Variants in SLC4A10 observed in about 807,000 individuals in gnomAD.
SLC4A10 encodes sodium-driven chloride bicarbonate exchanger.
A neutral mutation model predicts 137.7 loss-of-function variants in SLC4A10; 42 were observed. That is an observed-to-expected ratio of 0.30 (90% CI 0.24 to 0.39). The LOEUF (loss-of-function observed/expected upper bound fraction) is 0.39. Ranked by LOEUF, SLC4A10 falls within the 10% of genes least tolerant of loss-of-function variation. SLC4A10 has a pLI of 1.00. For synonymous variants in SLC4A10, 474 were observed against 464.1 expected (o/e 1.02, Z -0.27); for missense variants, 925 against 1,355.0 (o/e 0.68, Z 4.98).
intron 22 of SLC4A10, 131 bp from the exon 23 acceptor site, chr2:161,964,920 A>G: frequency 1.5e-6 from 1 of 671,942 alleles, no homozygotes; most frequent in Non-Finnish European, 2.3e-6. Flanking sequence ...TGTTTTATAC[A>G]TATATATCTT....
chr2:161,742,674 A>G (rs2048032589), intron 1 of SLC4A10, among the ~76,000 whole-genome samples: 1 of 151,812 alleles, frequency 6.6e-6, no homozygotes, highest in African/African-American at 2.4e-5. Flanking sequence ...TCCTGACCTC[A>G]AGTGATCCTC....
At chr2:161,750,747 T>C (rs1383892474) in intron 1 of SLC4A10, among the ~76,000 whole-genome samples, 9 of 151,810 alleles carry the variant, frequency 5.9e-5, no homozygotes, top group Admixed American at 5.3e-4. Context: ...TGAGTTCATT[T>C]GGTCTGTAGT....
At chr2:161,822,329 AT>A (rs2057692189) in intron 3 of SLC4A10, among the ~76,000 whole-genome samples, 2 of 152,208 alleles carry the variant, frequency 1.3e-5, no homozygotes, top group African/African-American at 4.8e-5. Flanking sequence ...CCTAATACCA[AT>A]GTGGAAGCAT....
chr2:161,652,756 C>T (rs2036974513), intron 1 of SLC4A10, among the ~76,000 whole-genome samples: 1 of 148,510 alleles, frequency 6.7e-6, no homozygotes, highest in Non-Finnish European at 1.5e-5. Context: ...TCCATTTCCC[C>T]TTTACCCTGG....
Position 161,872,305 on chromosome 2 carries a change from T to C in SLC4A10, c.779T>C (p.Val260Ala), listed in dbSNP as rs773976374. 2 of 1,613,388 alleles carry C rather than the reference T, an allele frequency of 1.2e-6. No individual in the cohort carries two copies. The highest frequency in any genetic ancestry group is 4.5e-5 in the East Asian group (2 of 44,826). Reference sequence around the variant, plus strand: ...CAATCTCTTTTAGCAGGTCAGGTTGTTTCTCCTCAGTCTGCTCCAGCCTGT... The same window carrying C: ...CAATCTCTTTTAGCAGGTCAGGTTGCTTCTCCTCAGTCTGCTCCAGCCTGT... ...NSMDKNAGQV[V>A]SPQSAPACVE... is the part of the protein sequence containing the mutation. Residue 260 changes from valine to alanine, a missense_variant, in exon 7 of 27, where the codon GTT becomes GCT. Transcript: ENST00000446997.
chr2:161,744,342 G>C (rs2048203950), intron 1 of SLC4A10, among the ~76,000 whole-genome samples: 2 of 152,176 alleles, frequency 1.3e-5, no homozygotes, highest in South Asian at 4.1e-4. Context: ...AACATGAAGG[G>C]ATGCTGAATT....
Position 161,984,300 on chromosome 2 carries a change from A to G in SLC4A10, c.*1148A>G, listed in dbSNP as rs1228580354. The G allele has an allele frequency of 6.6e-6, 1 of 152,186 alleles. No homozygotes were observed. The highest frequency in any genetic ancestry group is 6.5e-5 in the Admixed American group (1 of 15,270). The allele number at this position is 152,186 out of a possible 1,614,324, so 9.4% of individuals were successfully genotyped here. A position where few individuals can be genotyped will look rare whatever the true frequency, so the allele number is the denominator to read the frequency against. On this transcript the variant is annotated 3_prime_UTR_variant, in exon 27 of 27. Transcript: ENST00000446997. ...GAAGGTTCTGTAGATATTTCAGTCC[A>G]TATAAAATAATACATCTTTACTAAA...
intron 1 of SLC4A10, among the ~76,000 whole-genome samples, chr2:161,767,115 A>C (rs1368615143): frequency 1.3e-5 from 1 of 75,238 alleles, no homozygotes; most frequent in Non-Finnish European, 2.6e-5. Context: ...ATATATATAT[A>C]TATATATATA....
intron 1 of SLC4A10, among the ~76,000 whole-genome samples, chr2:161,666,162 G>T (rs1347898411): frequency 3.3e-5 from 5 of 151,398 alleles, no homozygotes; most frequent in Non-Finnish European, 5.9e-5. Flanking sequence ...TCTTAATTGA[G>T]ATGAAAAAGC....
chr2:161,841,876 A>C (rs978996404), intron 4 of SLC4A10, among the ~76,000 whole-genome samples: 1 of 152,206 alleles, frequency 6.6e-6, no homozygotes, highest in Non-Finnish European at 1.5e-5. Flanking sequence ...TCTTTCCCCC[A>C]AAATTTAATA....
chr2:161,647,067 C>A (rs1053868619), intron 1 of SLC4A10, among the ~76,000 whole-genome samples: 1 of 151,934 alleles, frequency 6.6e-6, no homozygotes, highest in Non-Finnish European at 1.5e-5. Flanking sequence ...ACTTTTTCTT[C>A]TTCTGGAATG....
chr2:161,815,837 C>A (rs2057005164), intron 3 of SLC4A10, among the ~76,000 whole-genome samples: 1 of 152,046 alleles, frequency 6.6e-6, no homozygotes, highest in Non-Finnish European at 1.5e-5. Context: ...TCGGGTGGCC[C>A]AGATTCTCCC....
At chr2:161,911,112 G>A (rs1299378113) in intron 15 of SLC4A10, among the ~76,000 whole-genome samples, 1 of 151,730 alleles carries the variant, frequency 6.6e-6, no homozygotes, top group Non-Finnish European at 1.5e-5. Flanking sequence ...TACATTAAGT[G>A]ATACTTAATG....
chr2:161,723,518 T>A (rs966525520), intron 1 of SLC4A10, among the ~76,000 whole-genome samples: 1 of 152,232 alleles, frequency 6.6e-6, no homozygotes, highest in Non-Finnish European at 1.5e-5. Context: ...TACGCACAGT[T>A]CCTGGCATAG....
chr2:161,942,979 T>G (rs190802834), intron 16 of SLC4A10, 82 bp downstream of exon 16: 73 of 1,036,078 alleles, frequency 7.0e-5, no homozygotes, highest in Admixed American at 6.9e-4. Context: ...ACAGTAAAAT[T>G]TTTTTGAATG....
Position 161,863,633 on chromosome 2 carries a change from C to T in SLC4A10, c.766+571C>T, listed in dbSNP as rs147825250. 6.0e-3 allele frequency among the ~76,000 whole-genome samples: 912 copies of T among 152,314 alleles called. 5 individuals are homozygous for T. The highest frequency in any genetic ancestry group is 0.044 in the Middle Eastern group (13 of 294). On this transcript the variant is annotated intron_variant, in intron 6 of 26. Coordinates refer to ENST00000446997, the MANE Select transcript of SLC4A10 (RefSeq NM_001178015.2). ...TTTGTAATGCAGCATCTTCAACATCCATGGAGCCACCCCACTTACTATCTT... is the reference window on the plus strand; with the variant it reads ...TTTGTAATGCAGCATCTTCAACATCTATGGAGCCACCCCACTTACTATCTT...
intron 3 of SLC4A10, among the ~76,000 whole-genome samples, chr2:161,818,219 G>A (rs1040103786): frequency 6.6e-6 from 1 of 152,034 alleles, no homozygotes; most frequent in Non-Finnish European, 1.5e-5. Context: ...TGGAGTTCTA[G>A]GTATTTTATT....
intron 1 of SLC4A10, among the ~76,000 whole-genome samples, chr2:161,767,135 ATATATGTGTG>A (rs1316590938): frequency 2.2e-5 from 2 of 89,502 alleles, no homozygotes; most frequent in African/African-American, 5.1e-5. Flanking sequence ...ATATATATAT[ATATATGTGTG>A]TGTGTGTGTG....
chr2:161,746,836 A>G (rs1488276266), intron 1 of SLC4A10, among the ~76,000 whole-genome samples: 1 of 152,102 alleles, frequency 6.6e-6, no homozygotes, highest in African/African-American at 2.4e-5. Flanking sequence ...TTTCAGGGCA[A>G]TGGGTTTCCT....
Sources: allele counts gnomAD v4.1 joint callset (sites outside exome capture counted in the v4.1 genomes callset), GRCh38; gene constraint gnomAD v4.1.1; transcripts MANE v1.5; gene names NCBI Gene and HGNC (gene_info 2026-07-23, HGNC 2026-07-21).